The following GBE1 variants were observed in gnomAD, a reference collection of about 807,000 sequenced individuals.
The protein encoded by GBE1 is 1,4-alpha-glucan-branching enzyme.
GBE1 carries 70 observed loss-of-function variants against 88.8 expected under a neutral mutation model. The observed-to-expected ratio is 0.79, with a 90% CI of 0.65 to 0.96. GBE1 has a LOEUF of 0.96. Among genes scored for constraint, GBE1 ranks in the 40% least tolerant of loss-of-function variants. The pLI is 0.00. For missense variants in GBE1, 872 were observed against 871.0 expected (o/e 1.00, Z -0.01); for synonymous variants, 284 against 300.1 (o/e 0.95, Z 0.56).
At chr3:81,676,560 T>C (rs1305426793) in intron 2 of GBE1, among the ~76,000 whole-genome samples, 1 of 152,090 alleles carries the variant, frequency 6.6e-6, no homozygotes, top group African/African-American at 2.4e-5. Flanking sequence ...ATAAACATAG[T>C]ATTTGAACAT....
At chr3:81,574,836 G>A (rs1317440498) in intron 12 of GBE1, among the ~76,000 whole-genome samples, 6 of 152,146 alleles carry the variant, frequency 3.9e-5, no homozygotes, top group Admixed American at 3.9e-4. Flanking sequence ...GAAATGGAAT[G>A]TTCATTTAGA....
intron 9 of GBE1, among the ~76,000 whole-genome samples, chr3:81,590,201 G>C (rs1703858548): frequency 6.6e-6 from 1 of 151,960 alleles, no homozygotes. Context: ...AAATACTACA[G>C]GAAGGAGACT....
chr3:81,705,549 A>G lies in GBE1; in HGVS notation c.208T>C (p.Ser70Pro), dbSNP rs1164750898. 3 of 1,592,570 alleles carry G rather than the reference A, an allele frequency of 1.9e-6. No homozygotes were observed. Among genetic ancestry groups the G allele is most frequent in the Non-Finnish European group, 2.6e-6 (3 of 1,168,396 alleles). Residue 70 changes from serine (S) to proline (P), a missense_variant, in exon 2 of 16, where the codon TCC (serine) becomes CCC (proline). Coordinates refer to ENST00000429644, the MANE Select transcript of GBE1 (RefSeq NM_000158.4). ...ACGCCAAATGATTCATAGCCTCTGG[A>G]AAACTTATCAATACCACCTTCATTT... ...GENEGGIDKF[S>P]RGYESFGVHR...
At chr3:81,528,945 T>C (rs1172549216) in intron 14 of GBE1, among the ~76,000 whole-genome samples, 3 of 152,086 alleles carry the variant, frequency 2.0e-5, no homozygotes, top group Non-Finnish European at 2.9e-5. Context: ...CTGTTTTTGA[T>C]TGGAGAGTTC....
intron 7 of GBE1, among the ~76,000 whole-genome samples, chr3:81,635,007 C>T (rs1704572078): frequency 6.6e-6 from 1 of 152,142 alleles, no homozygotes; most frequent in Non-Finnish European, 1.5e-5. Flanking sequence ...CGGCCTCCTT[C>T]ACTGTTCTTA....
chr3:81,758,991 T>C (rs968396130), intron 1 of GBE1, among the ~76,000 whole-genome samples: 3 of 152,190 alleles, frequency 2.0e-5, no homozygotes, highest in Non-Finnish European at 2.9e-5. Context: ...GACCTGATGG[T>C]TTTAAAAAGG....
chr3:81,620,594 T>C (rs1351500981), intron 7 of GBE1, among the ~76,000 whole-genome samples: 2 of 152,168 alleles, frequency 1.3e-5, no homozygotes, highest in Non-Finnish European at 2.9e-5. Flanking sequence ...CACAAGCATA[T>C]GCTATGGAAA....
At chr3:81,643,047 G>A (rs1704710203) in intron 6 of GBE1, 57 bp from the exon 7 acceptor site, 13 of 1,147,040 alleles carry the variant, frequency 1.1e-5, no homozygotes, top group African/African-American at 1.5e-5. Context: ...GGAAACAGCC[G>A]ATTGTGCAGC....
At chr3:81,518,486 T>C (rs1221077551) in intron 14 of GBE1, among the ~76,000 whole-genome samples, 1 of 151,432 alleles carries the variant, frequency 6.6e-6, no homozygotes, top group Non-Finnish European at 1.5e-5. Flanking sequence ...TTGCAATATT[T>C]TAATCATGCA....
chr3:81,718,260 G>T (rs561415524), intron 1 of GBE1, among the ~76,000 whole-genome samples: 1 of 152,106 alleles, frequency 6.6e-6, no homozygotes, highest in Non-Finnish European at 1.5e-5. Context: ...GATTACAGGC[G>T]TGAGCCACTG....
chr3:81,620,781 G>T (rs570718951), intron 7 of GBE1, among the ~76,000 whole-genome samples: 1 of 152,156 alleles, frequency 6.6e-6, no homozygotes, highest in African/African-American at 2.4e-5. Flanking sequence ...GAGGTGGCGG[G>T]AAGAATGTCA....
At chr3:81,609,336 T>C (rs1704142490) in intron 7 of GBE1, among the ~76,000 whole-genome samples, 1 of 152,092 alleles carries the variant, frequency 6.6e-6, no homozygotes, top group African/African-American at 2.4e-5. Flanking sequence ...GAAACAGATA[T>C]TAAGTGATTT....
chr3:81,614,162 A>G (rs981576260), intron 7 of GBE1, among the ~76,000 whole-genome samples: 4 of 152,098 alleles, frequency 2.6e-5, no homozygotes, highest in African/African-American at 9.7e-5. Flanking sequence ...CTACAGGTGC[A>G]CACCACCACT....
intron 6 of GBE1, among the ~76,000 whole-genome samples, chr3:81,644,577 G>A (rs1704739361): frequency 5.3e-5 from 8 of 152,130 alleles, no homozygotes. Flanking sequence ...ACCAGTGTGA[G>A]GCCTTTTGCT....
At chr3:81,713,069 C>T (rs183745477) in intron 1 of GBE1, among the ~76,000 whole-genome samples, 22 of 152,240 alleles carry the variant, frequency 1.4e-4, no homozygotes, top group African/African-American at 4.8e-4. Flanking sequence ...AATTCAGTTA[C>T]GTGAAACAAG....
At chr3:81,673,546 TG>T (rs1444293973) in intron 2 of GBE1, among the ~76,000 whole-genome samples, 2 of 151,960 alleles carry the variant, frequency 1.3e-5, no homozygotes, top group African/African-American at 2.4e-5. Context: ...CAGATTTATT[TG>T]TAAGAGCTGT....
Position 81,724,589 on chromosome 3 carries a change from C to T in GBE1, c.144-18976G>A, listed in dbSNP as rs533616741. On this transcript the variant is annotated intron_variant, in intron 1 of 15. Coordinates refer to ENST00000429644, the MANE Select transcript of GBE1 (RefSeq NM_000158.4). ...AAAGTATTCCAAAATTTCTATTTCC[C>T]GTTTCCACAGCTCCTTTACATCATT... Among the ~76,000 whole-genome samples the T allele has an allele frequency of 3.9e-5, 6 of 152,156 alleles. No homozygotes were observed. The East Asian group carries it at 9.7e-4, about 25-fold the overall frequency.
At chr3:81,621,499 T>C (rs1287222113) in intron 7 of GBE1, among the ~76,000 whole-genome samples, 3 of 152,104 alleles carry the variant, frequency 2.0e-5, no homozygotes, top group African/African-American at 7.2e-5. Flanking sequence ...ACAGCATGCT[T>C]TGGTCTCCTT....
At chr3:81,750,605 A>ATATATATATGTATATATATATACG (rs1706500524) in intron 1 of GBE1, among the ~76,000 whole-genome samples, 2 of 35,538 alleles carry the variant, frequency 5.6e-5, no homozygotes, top group South Asian at 5.2e-4. Context: ...ATATATGTGT[A>ATATATATATGTATATATATATACG]TATATATATA....
Sources: gnomAD v4.1 joint callset for allele counts (sites outside exome capture counted in the v4.1 genomes callset) on GRCh38, gnomAD v4.1.1 for gene constraint, MANE v1.5 for transcripts, NCBI Gene and HGNC (gene_info 2026-07-23, HGNC 2026-07-21) for gene names.